SLC2A13: variants seen among roughly 807,000 people sequenced by gnomAD.
SLC2A13 encodes the protein solute carrier family 2 member 13, also known as proton myo-inositol cotransporter.
In SLC2A13, 32 loss-of-function variants were observed where a neutral mutation model predicts 64.4. The observed-to-expected ratio is 0.50, with a 90% CI of 0.37 to 0.67. SLC2A13 has a LOEUF of 0.67. Among genes scored for constraint, SLC2A13 ranks in the 30% least tolerant of loss-of-function variants. SLC2A13 has a pLI of 0.00. For synonymous variants in SLC2A13, 338 were observed against 327.1 expected, an observed-to-expected ratio of 1.03 and a Z score of -0.36; for missense variants, 743 against 829.2, an observed-to-expected ratio of 0.90 and a Z score of 1.28.
intron 4 of SLC2A13, among the ~76,000 whole-genome samples, chr12:39,884,247 G>T (rs564632373): frequency 1.3e-5 from 2 of 152,184 alleles, no homozygotes; most frequent in East Asian, 3.9e-4. Flanking sequence ...GAGATTACAG[G>T]CATGAGCCAC....
intron 4 of SLC2A13, among the ~76,000 whole-genome samples, chr12:39,899,555 T>A (rs1945027667): frequency 6.6e-6 from 1 of 152,182 alleles, no homozygotes; most frequent in African/African-American, 2.4e-5. Flanking sequence ...CTTTTCTAGT[T>A]CTTTCAATTG....
chr12:39,871,670 T>A, intron 5 of SLC2A13, 128 bp downstream of exon 5: 1 of 919,504 alleles, frequency 1.1e-6, no homozygotes, highest in South Asian at 3.1e-5. Flanking sequence ...CTAGAAGAAC[T>A]CTAATTTTTT....
chr12:39,807,022 C>T (rs1941998311), intron 7 of SLC2A13, among the ~76,000 whole-genome samples: 1 of 151,952 alleles, frequency 6.6e-6, no homozygotes, highest in African/African-American at 2.4e-5. Flanking sequence ...GACAACGTTC[C>T]AGAAATGAAA....
At position 40,105,551 on chromosome 12, in the gene SLC2A13, G is replaced by A; in HGVS notation, c.258C>T (p.Val86=). 1 of 1,579,352 alleles carries A rather than the reference G, an allele frequency of 6.3e-7. No homozygotes were observed. Among genetic ancestry groups the A allele is most frequent in the Non-Finnish European group, 8.6e-7 (1 of 1,165,444 alleles). ...ACAGGAAGCCGCCCAGCGCGGAGAA[G>A]ACGGCCACCACGTACACGAAGGCGG... ...ETPAFVYVVA[V]FSALGGFLFG... Residue 86 remains valine (V), a synonymous_variant, in exon 1 of 10, where the codon GTC becomes GTT. Coordinates refer to ENST00000280871, the MANE Select transcript of SLC2A13 (RefSeq NM_052885.4). This position sits in a 1 kb window ranked among gnomAD's most constrained non-coding sequence, Gnocchi z 4.2.
In SLC2A13 at chr12:39,815,341, T is replaced by C. The variant is rs150349000; in HGVS notation, c.1445+14762A>G. Among the ~76,000 whole-genome samples the C allele has an allele frequency of 1.1e-3, 168 of 152,332 alleles. 4 individuals are homozygous for C. In the East Asian group the frequency reaches 0.029, roughly 27 times the overall value. On this transcript the variant is annotated intron_variant, in intron 7 of 9. Transcript: ENST00000280871. ...TGGTCTGGCCTTTATTGTTAACTAT[T>C]GTCATTTCTACTACAAGTTTTTCAA...
intron 3 of SLC2A13, among the ~76,000 whole-genome samples, chr12:39,988,825 C>G (rs1000479352): frequency 6.6e-6 from 1 of 152,038 alleles, no homozygotes; most frequent in Admixed American, 6.6e-5. Flanking sequence ...AGTCAAAAAC[C>G]TTTGAGTCAT....
intron 4 of SLC2A13, among the ~76,000 whole-genome samples, chr12:39,931,650 C>A (rs1014546905): frequency 1.3e-5 from 2 of 152,134 alleles, no homozygotes; most frequent in African/African-American, 4.8e-5. Flanking sequence ...TGTTTACCAG[C>A]TTAAAGTGCC....
intron 6 of SLC2A13, among the ~76,000 whole-genome samples, chr12:39,850,771 T>C (rs553241494): frequency 2.0e-5 from 3 of 152,308 alleles, no homozygotes; most frequent in Non-Finnish European, 4.4e-5. Flanking sequence ...AATAACTATA[T>C]TCAATTTCAA....
intron 9 of SLC2A13, among the ~76,000 whole-genome samples, chr12:39,761,706 A>G (rs1940154763): frequency 6.6e-6 from 1 of 152,028 alleles, no homozygotes; most frequent in Admixed American, 6.6e-5. Flanking sequence ...AGGAAGAGAA[A>G]TGGAATCTTT....
chr12:40,017,177 C>G (rs1170672369), intron 3 of SLC2A13, among the ~76,000 whole-genome samples: 5 of 152,116 alleles, frequency 3.3e-5, no homozygotes. Flanking sequence ...AACAGAAAGT[C>G]AAAGAAACAT....
At chr12:39,780,825 G>A (rs947019623) in intron 7 of SLC2A13, among the ~76,000 whole-genome samples, 22 of 152,102 alleles carry the variant, frequency 1.4e-4, no homozygotes, top group African/African-American at 5.3e-4. Flanking sequence ...AGTCATGACA[G>A]TAAGGAACTA....
At chr12:39,965,538 G>A (rs923378811) in intron 3 of SLC2A13, among the ~76,000 whole-genome samples, 2 of 152,092 alleles carry the variant, frequency 1.3e-5, no homozygotes, top group Non-Finnish European at 1.5e-5. Flanking sequence ...TCCAATTTAC[G>A]TACCAAGAAA....
chr12:40,079,965 G>A (rs1938333232), intron 1 of SLC2A13, among the ~76,000 whole-genome samples: 1 of 152,172 alleles, frequency 6.6e-6, no homozygotes, highest in Non-Finnish European at 1.5e-5. Context: ...CCAGGTTCAA[G>A]TGATTACCAT....
intron 2 of SLC2A13, 88 bp from the exon 3 acceptor site, chr12:40,028,597 AT>A: frequency 8.0e-7 from 1 of 1,252,330 alleles, no homozygotes; most frequent in Non-Finnish European, 1.1e-6. Flanking sequence ...GTTGACAACA[AT>A]AATACTTACT....
intron 1 of SLC2A13, among the ~76,000 whole-genome samples, chr12:40,099,261 C>T (rs1939067613): frequency 6.6e-6 from 1 of 151,824 alleles, no homozygotes; most frequent in Non-Finnish European, 1.5e-5. Context: ...GAAATAGGTG[C>T]TATAAGAAGT....
chr12:39,799,180 T>G (rs1941687569), intron 7 of SLC2A13, among the ~76,000 whole-genome samples: 1 of 149,932 alleles, frequency 6.7e-6, no homozygotes, highest in Non-Finnish European at 1.5e-5. Context: ...CCTCCCAGGT[T>G]CAAGTGATTC....
intron 1 of SLC2A13, among the ~76,000 whole-genome samples, chr12:40,079,041 A>C (rs1938291446): frequency 6.6e-6 from 1 of 151,326 alleles, no homozygotes; most frequent in Non-Finnish European, 1.5e-5. Context: ...TCTAGCTAAC[A>C]GTCTCTCAAT....
At position 39,994,238 on chromosome 12, in the gene SLC2A13, G is replaced by C. The variant is rs952504625; in HGVS notation, c.925+34063C>G. 9.9e-5 allele frequency among the ~76,000 whole-genome samples: 15 copies of C among 151,982 alleles called. No individual in the cohort carries two copies. The South Asian group carries it at 2.7e-3, about 27-fold the overall frequency. On this transcript the variant is annotated intron_variant, in intron 3 of 9. Coordinates refer to ENST00000280871, the MANE Select transcript of SLC2A13 (RefSeq NM_052885.4). ...TCTCTACTAAAAACACAAAAAATTAGCCAGGCGTGGTGGCAGGCACTGTAG... is the reference window on the plus strand; with the variant it reads ...TCTCTACTAAAAACACAAAAAATTACCCAGGCGTGGTGGCAGGCACTGTAG...
At chr12:40,065,993 C>A (rs1392004229) in intron 1 of SLC2A13, among the ~76,000 whole-genome samples, 1 of 152,062 alleles carries the variant, frequency 6.6e-6, no homozygotes, top group African/African-American at 2.4e-5. Flanking sequence ...CTAAACAGTC[C>A]CTCTAAAAGT....
Sources: allele counts gnomAD v4.1 joint callset (sites outside exome capture counted in the v4.1 genomes callset), GRCh38; gene constraint gnomAD v4.1.1; non-coding constraint Gnocchi (gnomAD v3.1); transcripts MANE v1.5; gene names NCBI Gene and HGNC (gene_info 2026-07-23, HGNC 2026-07-21).